The following USP31 variants were observed in gnomAD, a reference collection of about 807,000 sequenced individuals.
USP31 encodes ubiquitin carboxyl-terminal hydrolase 31.
USP31 carries 44 observed loss-of-function variants against 119.4 expected under a neutral mutation model. The ratio of observed to expected loss-of-function variants is 0.37; its 90% confidence interval spans 0.29 to 0.47. The LOEUF (loss-of-function observed/expected upper bound fraction) is 0.47. USP31 is among the 20% of genes least tolerant of loss of function. The probability of loss-of-function intolerance (pLI) is 0.99; values close to 1 mark genes in which losing one functional copy is unlikely to be tolerated. For synonymous variants in USP31, 749 were observed against 705.6 expected, an observed-to-expected ratio of 1.06 and a Z score of -0.97; for missense variants, 1,643 against 1,730.2, an observed-to-expected ratio of 0.95 and a Z score of 0.89.
Position 23,105,467 on chromosome 16 carries a change from T to C in USP31, c.1063A>G (p.Met355Val), listed in dbSNP as rs751426531. The change falls in exon 5 of 16, where the codon ATG becomes GTG. Residue 355 changes from methionine to valine, a missense_variant. By Grantham distance (21) the Met-to-Val change is conservative. Around this residue, in one of 5 missense-constraint regions of USP31, gnomAD observed 144 missense variants for 218.0 expected, o/e 0.66. Coordinates refer to ENST00000219689, the MANE Select transcript of USP31 (RefSeq NM_020718.4). ...TGATCAGTGGGGATCTTTGTTTCCA[T>C]AGACACTGCTTCCCGAAGTCTGGCG... ...TVARLREAVS[M>V]ETKIPTDQIV... The C allele has an allele frequency of 1.3e-5, 21 of 1,613,948 alleles. No individual in the cohort carries two copies. Among genetic ancestry groups the C allele is most frequent in the Admixed American group, 3.3e-5 (2 of 59,988 alleles).
chr16:23,077,573 A>ACC (rs767439896), intron 13 of USP31, among the ~76,000 whole-genome samples: 19 of 151,896 alleles, frequency 1.3e-4, no homozygotes, highest in Non-Finnish European at 1.9e-4. Flanking sequence ...GCCAGACCCC[A>ACC]CCCCTCCTCC....
intron 1 of USP31, among the ~76,000 whole-genome samples, chr16:23,118,806 C>G (rs1902576654): frequency 1.3e-5 from 2 of 151,910 alleles, no homozygotes; most frequent in Non-Finnish European, 2.9e-5. Flanking sequence ...ATGTTATTTT[C>G]TATAAAATTC....
intron 6 of USP31, among the ~76,000 whole-genome samples, chr16:23,094,930 A>C (rs759163448): frequency 6.6e-4 from 100 of 152,358 alleles, no homozygotes; most frequent in Non-Finnish European, 1.2e-3. Context: ...AAAATTCTAA[A>C]AACCAGAGCA....
At position 23,105,469 on chromosome 16, in the gene USP31, G is replaced by A. The variant is rs754791248; in HGVS notation, c.1061C>T (p.Ser354Phe). 1.2e-6 allele frequency: 2 copies of A among 1,614,030 alleles called. No homozygotes were observed. Among genetic ancestry groups the A allele is most frequent in the South Asian group, 1.1e-5 (1 of 91,058 alleles). The change falls in exon 5 of 16, where the codon TCT becomes TTT. Residue 354 changes from serine (S) to phenylalanine (F), a missense_variant. Around this residue, in one of 5 missense-constraint regions of USP31, gnomAD observed 144 missense variants for 218.0 expected, o/e 0.66. Coordinates refer to ENST00000219689, the MANE Select transcript of USP31 (RefSeq NM_020718.4). ...GTVARLREAV[S>F]METKIPTDQI... is the part of the protein sequence containing the mutation. The stretch of plus-strand genomic sequence containing the variant: ...ATCAGTGGGGATCTTTGTTTCCATA[G>A]ACACTGCTTCCCGAAGTCTGGCGAC...
At chr16:23,128,871 GA>G (rs1459136853) in intron 1 of USP31, among the ~76,000 whole-genome samples, 1 of 152,154 alleles carries the variant, frequency 6.6e-6, no homozygotes, top group Non-Finnish European at 1.5e-5. Flanking sequence ...GAAATACATG[GA>G]CAGAGGAACA....
chr16:23,102,443 G>A lies in USP31; in HGVS notation c.1110C>T (p.Tyr370=). The change falls in exon 6 of 16, where the codon TAC becomes TAT. Residue 370 remains tyrosine (Y), a synonymous_variant. Coordinates refer to ENST00000219689, the MANE Select transcript of USP31 (RefSeq NM_020718.4). ...PTDQIVLTEM[Y]YDGFHRSFCD... ...AAAAGGAACGATGGAACCCATCATA[G>A]TACATTTCTGTTAACACAATCTAAA... 6.2e-7 allele frequency: 1 copy of A among 1,610,128 alleles called. No individual in the cohort carries two copies. Among genetic ancestry groups the A allele is most frequent in the South Asian group, 1.1e-5 (1 of 90,032 alleles).
At chr16:23,146,264 T>C (rs1332997184) in intron 1 of USP31, among the ~76,000 whole-genome samples, 1 of 150,584 alleles carries the variant, frequency 6.6e-6, no homozygotes, top group South Asian at 2.1e-4. Flanking sequence ...GGACCTACAG[T>C]AGTCAGTTCT....
At chr16:23,081,832 C>A (rs1357174336) in intron 12 of USP31, among the ~76,000 whole-genome samples, 2 of 152,174 alleles carry the variant, frequency 1.3e-5, no homozygotes, top group Non-Finnish European at 2.9e-5. Flanking sequence ...GCTCTCTCTG[C>A]CCCCGTGTGG....
Position 23,071,445 on chromosome 16 carries a change from C to T in USP31, c.2488+600G>A, listed in dbSNP as rs527381669. Reference sequence around the variant, plus strand: ...GAAACTAAGGTCTATCCTGCCATTACCCAAGCAGAAAGTGAAAGTTTAAAA... The same window carrying T: ...GAAACTAAGGTCTATCCTGCCATTATCCAAGCAGAAAGTGAAAGTTTAAAA... On this transcript the variant is annotated intron_variant, in intron 15 of 15. Coordinates refer to ENST00000219689, the MANE Select transcript of USP31 (RefSeq NM_020718.4). 2.7e-5 allele frequency among the ~76,000 whole-genome samples: 4 copies of T among 148,884 alleles called. No individual in the cohort carries two copies. The South Asian group carries it at 8.6e-4, about 32-fold the overall frequency.
At chr16:23,143,319 C>T (rs1903404946) in intron 1 of USP31, among the ~76,000 whole-genome samples, 1 of 152,182 alleles carries the variant, frequency 6.6e-6, no homozygotes, top group Non-Finnish European at 1.5e-5. Flanking sequence ...GACCATCCAT[C>T]TTTTTACTTG....
Position 23,148,681 on chromosome 16 carries a change from AG to A in USP31, c.589del (p.Leu197SerfsTer52). 1.3e-6 allele frequency: 2 copies of A among 1,495,048 alleles called. No homozygotes were observed. Among genetic ancestry groups the A allele is most frequent in the South Asian group, 1.3e-5 (1 of 78,918 alleles). 92.6% of individuals were successfully genotyped at this position (1,495,048 alleles called of 1,614,324 possible). On this transcript the variant is annotated frameshift_variant, in exon 1 of 16. Transcript: ENST00000219689. LOFTEE classifies it high-confidence loss of function. ...CTGCGGGGTGTACTCCAGGGTCCAG[AG>A]GGCCCGCACCAGGTGCGCCAGCTGC... ...TEQLAHLVRA[L>X]WTLEYTPQHS...
At position 23,068,848 on chromosome 16, in the gene USP31, C is replaced by T. The variant is rs774033372; in HGVS notation, c.3257G>A (p.Arg1086Gln). ...TTGGGCAGGGGCAGGGGATGAATGC[C>T]GTCCACTGCCCCTGGAAGAAGAATC... ...KADSSSRGSGRHSSPAPAQPK... is the reference protein window; with the variant it reads ...KADSSSRGSGQHSSPAPAQPK... Residue 1086 changes from arginine to glutamine, a missense_variant, in exon 16 of 16, where the codon CGG becomes CAG. Physicochemically the swap from Arg to Gln is conservative, Grantham distance 43. Around this residue, in one of 5 missense-constraint regions of USP31, gnomAD observed 699 missense variants for 650.9 expected, o/e 1.07. Transcript: ENST00000219689. 18 of 1,569,238 alleles carry T rather than the reference C, an allele frequency of 1.1e-5. No individual in the cohort carries two copies. Among genetic ancestry groups the T allele is most frequent in the South Asian group, 4.9e-5 (4 of 81,720 alleles).
intron 14 of USP31, among the ~76,000 whole-genome samples, chr16:23,072,723 C>T (rs1900398224): frequency 1.3e-5 from 2 of 152,092 alleles, no homozygotes; most frequent in South Asian, 4.1e-4. Context: ...TCCAGGGACG[C>T]CCTTAAATAT....
At chr16:23,069,858 C>G (rs1050629040) in intron 15 of USP31, among the ~76,000 whole-genome samples, 1 of 152,196 alleles carries the variant, frequency 6.6e-6, no homozygotes, top group African/African-American at 2.4e-5. Flanking sequence ...AACTTCTATT[C>G]GCCTCCTTGC....
intron 10 of USP31, among the ~76,000 whole-genome samples, chr16:23,085,290 T>C (rs559548894): frequency 1.3e-5 from 2 of 152,360 alleles, no homozygotes; most frequent in East Asian, 3.9e-4. Flanking sequence ...CATTGCTTTC[T>C]AGAATTAATG....
rs1596672677 is a variant in USP31 at position 23,062,361 on chromosome 16, C to A, written c.*5685G>T. ...ACAAAACAAAAACACGAAAAAATAGCAATAAGGGTTTTTTTTTTTTAAAAA... is the reference window on the plus strand; with the variant it reads ...ACAAAACAAAAACACGAAAAAATAGAAATAAGGGTTTTTTTTTTTTAAAAA... On this transcript the variant is annotated 3_prime_UTR_variant, in exon 16 of 16. Transcript: ENST00000219689. 1 of 146,362 alleles carries A rather than the reference C, an allele frequency of 6.8e-6. No homozygotes were observed. Among genetic ancestry groups the A allele is most frequent in the Non-Finnish European group, 1.5e-5 (1 of 66,250 alleles). 9.1% of individuals were successfully genotyped at this position (146,362 alleles called of 1,614,324 possible).
At chr16:23,112,943 G>A (rs559319001) in intron 1 of USP31, among the ~76,000 whole-genome samples, 3 of 151,858 alleles carry the variant, frequency 2.0e-5, no homozygotes, top group Non-Finnish European at 2.9e-5. Flanking sequence ...CAGGAGAATC[G>A]CTTGAACCTG....
intron 7 of USP31, among the ~76,000 whole-genome samples, chr16:23,089,183 C>CA (rs1901242939): frequency 6.6e-6 from 1 of 152,100 alleles, no homozygotes; most frequent in East Asian, 1.9e-4. Flanking sequence ...GTGCATGTAC[C>CA]GGGTGTTCCC....
In USP31 at chr16:23,073,833, T is replaced by C. The variant is rs757156208; in HGVS notation, c.2224A>G (p.Ser742Gly). ...VDGLWYCFDD[S>G]DVQQLSEDEV... ...TCTTCTGACAGCTGCTGCACATCGC[T>C]GTCATCGAAGCAGTACCAGAGGCCG... The change falls in exon 14 of 16, where the codon AGC (serine) becomes GGC (glycine). Residue 742 changes from serine to glycine, a missense_variant. By Grantham distance (56) the Ser-to-Gly change is moderately conservative. Transcript: ENST00000219689. 4 of 1,614,006 alleles carry C rather than the reference T, an allele frequency of 2.5e-6. No individual in the cohort carries two copies. Among genetic ancestry groups the C allele is most frequent in the South Asian group, 2.2e-5 (2 of 91,086 alleles).
Sources: gnomAD v4.1 joint callset for allele counts (sites outside exome capture counted in the v4.1 genomes callset) on GRCh38, gnomAD v4.1.1 for gene constraint, gnomAD v4.1.1 regional missense constraint, MANE v1.5 for transcripts, NCBI Gene and HGNC (gene_info 2026-07-23, HGNC 2026-07-21) for gene names.